Variants in ZFP1 observed in about 807,000 individuals in gnomAD.
The protein encoded by ZFP1 is zinc finger protein 1 homolog.
Under a neutral mutation model 38.5 loss-of-function variants are expected in ZFP1, and 32 were observed. The ratio of observed to expected loss-of-function variants is 0.83; its 90% confidence interval spans 0.63 to 1.12. The LOEUF (loss-of-function observed/expected upper bound fraction) is 1.12. Ranked by LOEUF, ZFP1 falls within the 50% of genes most tolerant of loss-of-function variation. The pLI, the probability that ZFP1 is intolerant of heterozygous loss-of-function variation, is 0.00. For synonymous variants in ZFP1, 245 were observed against 168.8 expected, an observed-to-expected ratio of 1.45 and a Z score of -3.50; for missense variants, 616 against 480.8, an observed-to-expected ratio of 1.28 and a Z score of -2.63.
intron 2 of ZFP1, among the ~76,000 whole-genome samples, chr16:75,165,428 T>C (rs2038017230): frequency 6.6e-6 from 1 of 152,162 alleles, no homozygotes; most frequent in Non-Finnish European, 1.5e-5. Context: ...AGAGTCTTGC[T>C]CTGTCACCCA....
rs1396932422 is a variant in ZFP1, at chr16:75,165,025, G to C, written c.16-1745G>C. The stretch of plus-strand genomic sequence containing the variant: ...TCTCCATTTTGGTCAGGCTGGTTTT[G>C]AACTCATGACCTCAGGTGATCCACC... On this transcript the variant is annotated intron_variant, in intron 2 of 3. Transcript: ENST00000570010. 2.0e-5 allele frequency among the ~76,000 whole-genome samples: 3 copies of C among 152,182 alleles called. No homozygotes were observed. The South Asian group carries it at 6.2e-4, about 32-fold the overall frequency.
At chr16:75,125,227 C>A in the ZFP1 span, among the ~76,000 whole-genome samples, 1 of 152,058 alleles carries the variant, frequency 6.6e-6, no homozygotes, top group Non-Finnish European at 1.5e-5. Flanking sequence ...CCACTGCACT[C>A]CAGCTGGGAC....
chr16:75,149,998 T>C (rs1433511924), intron 1 of ZFP1, among the ~76,000 whole-genome samples: 1 of 151,612 alleles, frequency 6.6e-6, no homozygotes, highest in Non-Finnish European at 1.5e-5. Flanking sequence ...TTGGCCCGGC[T>C]GCTCTAGAAC....
At chr16:75,149,506 T>C (rs2037069827) in intron 1 of ZFP1, among the ~76,000 whole-genome samples, 1 of 152,150 alleles carries the variant, frequency 6.6e-6, no homozygotes, top group Non-Finnish European at 1.5e-5. Flanking sequence ...GGTGGTCCTA[T>C]GTGATTGTAA....
At chr16:75,164,415 A>G (rs2037949422) in intron 2 of ZFP1, among the ~76,000 whole-genome samples, 2 of 152,306 alleles carry the variant, frequency 1.3e-5, no homozygotes, top group South Asian at 4.1e-4. Flanking sequence ...TCCTGCCACA[A>G]CTTCTAAGTT....
Position 75,169,324 on chromosome 16 carries a change from A to AT in ZFP1, c.216dup (p.Leu73SerfsTer2). On this transcript the variant is annotated frameshift_variant, in exon 4 of 4. Coordinates refer to ENST00000570010, the MANE Select transcript of ZFP1 (RefSeq NM_153688.4). LOFTEE classifies it high-confidence loss of function. ...AGACGAGCAGGCGAGGCAATTTTTA[A>AT]TTCTTAAGAACCAAACCCCAATTGA... 2 of 1,614,110 alleles carry AT rather than the reference A, an allele frequency of 1.2e-6. No homozygotes were observed. Among genetic ancestry groups the AT allele is most frequent in the Non-Finnish European group, 1.7e-6 (2 of 1,180,002 alleles).
chr16:75,164,268 TTTTTA>T (rs1285823214), intron 2 of ZFP1, among the ~76,000 whole-genome samples: 2 of 151,628 alleles, frequency 1.3e-5, no homozygotes, highest in African/African-American at 4.8e-5. Context: ...ATTTATCCCA[TTTTTA>T]TTTTGATTAC....
upstream of ZFP1, among the ~76,000 whole-genome samples, chr16:75,143,853 C>T (rs1056284206): frequency 1.4e-4 from 21 of 151,124 alleles, no homozygotes; most frequent in African/African-American, 5.1e-4. Flanking sequence ...ATGGTTTTGC[C>T]ATGTTCCCCA....
the ZFP1 span, among the ~76,000 whole-genome samples, chr16:75,133,425 C>G: frequency 6.6e-6 from 1 of 152,142 alleles, no homozygotes; most frequent in African/African-American, 2.4e-5. Context: ...CTCCTCCCAC[C>G]CTCCACCGTC....
chr16:75,125,919 G>A, the ZFP1 span, among the ~76,000 whole-genome samples: 3 of 151,798 alleles, frequency 2.0e-5, no homozygotes, highest in Middle Eastern at 6.8e-3. Context: ...GCAGGTGCCT[G>A]TAATCCCAGT....
the ZFP1 span, among the ~76,000 whole-genome samples, chr16:75,142,405 C>G: frequency 6.6e-6 from 1 of 151,720 alleles, no homozygotes; most frequent in Admixed American, 6.6e-5. Flanking sequence ...TCTGTGAGGC[C>G]AGCTGCTGAA....
At chr16:75,151,067 C>T (rs1198525024) in intron 1 of ZFP1, among the ~76,000 whole-genome samples, 1 of 151,986 alleles carries the variant, frequency 6.6e-6, no homozygotes, top group Non-Finnish European at 1.5e-5. Context: ...CCATGTTGCC[C>T]AGGCTGGTCT....
chr16:75,162,476 C>T (rs910300813), intron 2 of ZFP1, among the ~76,000 whole-genome samples: 1 of 152,140 alleles, frequency 6.6e-6, no homozygotes, highest in African/African-American at 2.4e-5. Context: ...CAGTGCCTAA[C>T]ATTTTGACGT....
the ZFP1 span, among the ~76,000 whole-genome samples, chr16:75,124,167 G>GT: frequency 1.6e-3 from 234 of 142,424 alleles, no homozygotes; most frequent in Middle Eastern, 3.7e-3. Flanking sequence ...CTAATTGAAA[G>GT]TTTTTTTTTT....
chr16:75,157,579 A>T (rs114246069), intron 2 of ZFP1, among the ~76,000 whole-genome samples: 1 of 152,088 alleles, frequency 6.6e-6, no homozygotes, highest in African/African-American at 2.4e-5. Flanking sequence ...ATAGCTAGGT[A>T]TGAATGTGGA....
At chr16:75,152,874 T>C in intron 1 of ZFP1, 35 bp from the exon 2 acceptor site, 1 of 1,599,378 alleles carries the variant, frequency 6.3e-7, no homozygotes, top group Non-Finnish European at 8.5e-7. Context: ...GGTCAGACCT[T>C]TAATAACAAT....
chr16:75,129,197 T>G, the ZFP1 span, among the ~76,000 whole-genome samples: 1 of 152,188 alleles, frequency 6.6e-6, no homozygotes, highest in Non-Finnish European at 1.5e-5. Context: ...TTCCTCCCCC[T>G]ATTTTCTCTT....
At chr16:75,133,927 T>C in the ZFP1 span, among the ~76,000 whole-genome samples, 5 of 152,154 alleles carry the variant, frequency 3.3e-5, no homozygotes, top group African/African-American at 1.2e-4. Context: ...TGCATGCCTG[T>C]AGCCCCAGCT....
chr16:75,140,729 G>A, the ZFP1 span, among the ~76,000 whole-genome samples: 365 of 152,334 alleles, frequency 2.4e-3, 3 homozygotes, highest in African/African-American at 8.3e-3. Flanking sequence ...GGAGGCCAAG[G>A]CGGGCGGATC....
Sources: gnomAD v4.1 joint callset for allele counts (sites outside exome capture counted in the v4.1 genomes callset) on GRCh38, gnomAD v4.1.1 for gene constraint, MANE v1.5 for transcripts, NCBI Gene and HGNC (gene_info 2026-07-23, HGNC 2026-07-21) for gene names.